The following PIAS1 variants were observed in gnomAD, a reference collection of about 807,000 sequenced individuals.
PIAS1 encodes protein inhibitor of activated STAT 1.
Under a neutral mutation model 71.3 loss-of-function variants are expected in PIAS1, and 6 were observed. The observed-to-expected ratio is 0.08, with a 90% CI of 0.05 to 0.17. The LOEUF (loss-of-function observed/expected upper bound fraction) is 0.17. PIAS1 is among the 10% of genes least tolerant of loss of function. PIAS1 has a pLI of 1.00. For synonymous variants in PIAS1, 303 were observed against 292.9 expected (o/e 1.03, Z -0.35); for missense variants, 555 against 793.6 (o/e 0.70, Z 3.61).
chr15:68,065,263 C>T (rs1458225485), intron 1 of PIAS1, among the ~76,000 whole-genome samples: 1 of 152,024 alleles, frequency 6.6e-6, no homozygotes, highest in Non-Finnish European at 1.5e-5. Context: ...TCCCTTTCAC[C>T]TTCCCACTCA....
chr15:68,138,353 T>C (rs950133005), intron 2 of PIAS1, among the ~76,000 whole-genome samples: 1 of 152,150 alleles, frequency 6.6e-6, no homozygotes, highest in Non-Finnish European at 1.5e-5. Flanking sequence ...CCAAGGGTAA[T>C]GTCCATGGCC....
intron 2 of PIAS1, among the ~76,000 whole-genome samples, chr15:68,122,426 G>A (rs894835348): frequency 6.6e-5 from 10 of 152,162 alleles, no homozygotes; most frequent in African/African-American, 2.4e-4. Context: ...GAGGAATAAG[G>A]ACAAGGGAGT....
At chr15:68,136,807 A>T (rs111636560) in intron 2 of PIAS1, among the ~76,000 whole-genome samples, 3,315 of 152,300 alleles carry the variant, frequency 0.022, 111 homozygotes, top group African/African-American at 0.074. Context: ...AATGAAATTT[A>T]AAAAATTGTA....
At chr15:68,072,959 G>A (rs531868781) in intron 1 of PIAS1, among the ~76,000 whole-genome samples, 89 of 152,290 alleles carry the variant, frequency 5.8e-4, no homozygotes, top group African/African-American at 2.1e-3. Flanking sequence ...AGTATGCTCA[G>A]TAGGCACTGG....
chr15:68,187,605 C>T lies in PIAS1; in HGVS notation c.1726C>T (p.His576Tyr), dbSNP rs868762124. Residue 576 changes from histidine (H) to tyrosine (Y), a missense_variant, in exon 14 of 14, where the codon CAC becomes TAC. His to Tyr is a moderately conservative substitution (Grantham distance 83). Coordinates refer to ENST00000249636, the MANE Select transcript of PIAS1 (RefSeq NM_016166.3). The surrounding 1 kb of genome is among the most constrained non-coding windows in gnomAD (Gnocchi z 5.3). Reference sequence around the variant, plus strand: ...AGTTTCAGATGATCAAGACCTCCTACACTCGTCTCGGTTTTTCCCGTATAC... The same window carrying T: ...AGTTTCAGATGATCAAGACCTCCTATACTCGTCTCGGTTTTTCCCGTATAC... ...AAVSDDQDLL[H>Y]SSRFFPYTSS... The T allele has an allele frequency of 6.2e-7, 1 of 1,613,862 alleles. No individual in the cohort carries two copies. Among genetic ancestry groups the T allele is most frequent in the Non-Finnish European group, 8.5e-7 (1 of 1,179,844 alleles).
At chr15:68,147,238 A>G (rs1335324775) in intron 6 of PIAS1, among the ~76,000 whole-genome samples, 3 of 152,200 alleles carry the variant, frequency 2.0e-5, no homozygotes, top group Non-Finnish European at 2.9e-5. Context: ...TCTGACTTTC[A>G]GTGTTATTTG....
chr15:68,125,095 G>A (rs1224589941), intron 2 of PIAS1, among the ~76,000 whole-genome samples: 2 of 152,138 alleles, frequency 1.3e-5, no homozygotes, highest in African/African-American at 2.4e-5. Flanking sequence ...GAGCAATGTA[G>A]TGAACTATTT....
intron 2 of PIAS1, among the ~76,000 whole-genome samples, chr15:68,114,730 A>AT (rs969586772): frequency 3.3e-4 from 50 of 149,620 alleles, no homozygotes; most frequent in Admixed American, 1.5e-3. Context: ...ATGTATCTAG[A>AT]TTTTTTTTTT....
intron 7 of PIAS1, among the ~76,000 whole-genome samples, chr15:68,157,662 C>T (rs781212194): frequency 2.0e-5 from 3 of 152,202 alleles, no homozygotes; most frequent in East Asian, 3.9e-4. Context: ...CACCTGCCTT[C>T]AATGGATTCT....
chr15:68,124,769 T>C (rs546335099), intron 2 of PIAS1, among the ~76,000 whole-genome samples: 1 of 152,264 alleles, frequency 6.6e-6, no homozygotes, highest in African/African-American at 2.4e-5. Context: ...TAAATGAATA[T>C]AGTTTAAAAT....
Position 68,183,621 on chromosome 15 carries a change from C to T in PIAS1, c.1625-9C>T, listed in dbSNP as rs1276466530. On this transcript the variant is annotated splice_polypyrimidine_tract_variant and intron_variant, in intron 12 of 13. Coordinates refer to ENST00000249636, the MANE Select transcript of PIAS1 (RefSeq NM_016166.3). ...TTTTTTTAAACTGAAATAATTTTTTCTTCCACAGGATTAGATTTCTTTCCT... is the reference window on the plus strand; with the variant it reads ...TTTTTTTAAACTGAAATAATTTTTTTTTCCACAGGATTAGATTTCTTTCCT... The T allele has an allele frequency of 9.3e-6, 10 of 1,078,694 alleles. No individual in the cohort carries two copies. Among genetic ancestry groups the T allele is most frequent in the South Asian group, 8.7e-5 (6 of 69,284 alleles). The allele number at this position is 1,078,694 out of a possible 1,614,324, so 66.8% of individuals were successfully genotyped here. A position where few individuals can be genotyped will look rare whatever the true frequency, so the allele number is the denominator to read the frequency against.
chr15:68,104,438 A>G (rs2092452842), intron 2 of PIAS1, among the ~76,000 whole-genome samples: 1 of 152,178 alleles, frequency 6.6e-6, no homozygotes, highest in Non-Finnish European at 1.5e-5. Flanking sequence ...TACCAACATC[A>G]ACAACTTTTA....
intron 2 of PIAS1, among the ~76,000 whole-genome samples, chr15:68,132,260 C>T (rs1010960319): frequency 2.0e-5 from 3 of 151,788 alleles, no homozygotes; most frequent in Admixed American, 6.6e-5. Flanking sequence ...GGGCGGATCA[C>T]GAGGTCAGGA....
intron 8 of PIAS1, among the ~76,000 whole-genome samples, chr15:68,166,050 A>T (rs2092955812): frequency 6.6e-6 from 1 of 152,286 alleles, no homozygotes; most frequent in Non-Finnish European, 1.5e-5. Context: ...TAATTTATGA[A>T]ACTTCAAACA....
At chr15:68,087,578 A>G (rs1052002023) in intron 2 of PIAS1, among the ~76,000 whole-genome samples, 21 of 152,288 alleles carry the variant, frequency 1.4e-4, no homozygotes, top group African/African-American at 4.3e-4. Flanking sequence ...GAAATCTGAA[A>G]AATATTCCCA....
intron 1 of PIAS1, among the ~76,000 whole-genome samples, chr15:68,059,709 C>CAAA (rs770069635): frequency 1.4e-3 from 105 of 76,466 alleles, no homozygotes; most frequent in East Asian, 2.5e-3. Context: ...CCGTCTCAAA[C>CAAA]AAAAAAAAAA....
chr15:68,069,531 G>A (rs965262929), intron 1 of PIAS1, among the ~76,000 whole-genome samples: 2 of 152,138 alleles, frequency 1.3e-5, no homozygotes, highest in Admixed American at 6.6e-5. Context: ...GGCTGGGCAC[G>A]GTGGCTCATG....
chr15:68,165,174 T>G (rs1285815535), intron 8 of PIAS1, among the ~76,000 whole-genome samples: 1 of 152,164 alleles, frequency 6.6e-6, no homozygotes. Context: ...CAGGCTGGAG[T>G]GCAATGGTGC....
At chr15:68,182,209 T>G (rs1277461435) in intron 12 of PIAS1, among the ~76,000 whole-genome samples, 1 of 152,186 alleles carries the variant, frequency 6.6e-6, no homozygotes, top group African/African-American at 2.4e-5. Context: ...GTATACTCAT[T>G]TATATATTTT....
Sources: allele counts gnomAD v4.1 joint callset (sites outside exome capture counted in the v4.1 genomes callset), GRCh38; gene constraint gnomAD v4.1.1; non-coding constraint Gnocchi (gnomAD v3.1); transcripts MANE v1.5; gene names NCBI Gene and HGNC (gene_info 2026-07-23, HGNC 2026-07-21).